ADAMTSL3: variants seen among roughly 807,000 people sequenced by gnomAD.
The protein encoded by ADAMTSL3 is ADAMTS-like protein 3.
ADAMTSL3 carries 128 observed loss-of-function variants against 201.7 expected under a neutral mutation model. The observed-to-expected ratio is 0.63, with a 90% CI of 0.55 to 0.73. The LOEUF (loss-of-function observed/expected upper bound fraction) is 0.73. Among genes scored for constraint, ADAMTSL3 ranks in the 30% least tolerant of loss-of-function variants. The pLI is 0.00. For synonymous variants in ADAMTSL3, 738 were observed against 748.4 expected, an observed-to-expected ratio of 0.99 and a Z score of 0.23; for missense variants, 1,990 against 2,119.6, an observed-to-expected ratio of 0.94 and a Z score of 1.20.
At chr15:83,686,968 A>T (rs1054251306) in intron 2 of ADAMTSL3, among the ~76,000 whole-genome samples, 4 of 152,070 alleles carry the variant, frequency 2.6e-5, no homozygotes, top group Non-Finnish European at 5.9e-5. Context: ...AGGTAGGAGG[A>T]CTACTTGAGT....
intron 4 of ADAMTSL3, among the ~76,000 whole-genome samples, chr15:83,783,437 A>G (rs1258596945): frequency 6.6e-6 from 1 of 152,164 alleles, no homozygotes; most frequent in Non-Finnish European, 1.5e-5. Context: ...TAAATGGACT[A>G]ATTACTTTGG....
chr15:83,926,097 G>A (rs1489743758), intron 17 of ADAMTSL3, among the ~76,000 whole-genome samples: 2 of 152,182 alleles, frequency 1.3e-5, no homozygotes, highest in African/African-American at 2.4e-5. Context: ...AAAATAAATT[G>A]GTGGGGCAGG....
chr15:83,764,314 A>G (rs1000237501), intron 3 of ADAMTSL3, among the ~76,000 whole-genome samples: 8 of 152,186 alleles, frequency 5.3e-5, no homozygotes, highest in African/African-American at 1.9e-4. Context: ...CTGCTTAAAA[A>G]TAGTCCAGTG....
At chr15:84,020,263 G>A (rs575914990) in intron 25 of ADAMTSL3, among the ~76,000 whole-genome samples, 6 of 49,568 alleles carry the variant, frequency 1.2e-4, no homozygotes, top group Admixed American at 1.1e-3. Flanking sequence ...ACACACTTGG[G>A]ATCCAGTCCG....
At chr15:83,867,058 GT>G (rs1291893928) in intron 8 of ADAMTSL3, among the ~76,000 whole-genome samples, 1 of 152,170 alleles carries the variant, frequency 6.6e-6, no homozygotes, top group Non-Finnish European at 1.5e-5. Flanking sequence ...AAATATAGAA[GT>G]GGTTTTATTT....
chr15:83,850,022 G>A (rs1395851464), intron 7 of ADAMTSL3, among the ~76,000 whole-genome samples: 3 of 151,932 alleles, frequency 2.0e-5, no homozygotes, highest in Non-Finnish European at 4.4e-5. Flanking sequence ...ATTGCATGGT[G>A]AGGAAATATA....
chr15:83,868,689 T>A (rs1225279192), intron 8 of ADAMTSL3, among the ~76,000 whole-genome samples: 1 of 152,160 alleles, frequency 6.6e-6, no homozygotes, highest in Non-Finnish European at 1.5e-5. Flanking sequence ...CCTTTTGAAA[T>A]ACTCAAATTA....
At position 83,982,265 on chromosome 15, in the gene ADAMTSL3, T is replaced by C. The variant is rs765833826; in HGVS notation, c.2645-8T>C. On this transcript the variant is annotated splice_polypyrimidine_tract_variant and splice_region_variant and intron_variant, in intron 20 of 29. Transcript: ENST00000286744. ...ATTTTCTTTTCTTTCTTTTTTTTTTTCTTGGAGAAATCAAATCAGAGATGA... is the reference window on the plus strand; with the variant it reads ...ATTTTCTTTTCTTTCTTTTTTTTTTCCTTGGAGAAATCAAATCAGAGATGA... 6.4e-6 allele frequency: 10 copies of C among 1,554,310 alleles called. No individual in the cohort carries two copies. Among genetic ancestry groups the C allele is most frequent in the African/African-American group, 1.4e-5 (1 of 72,116 alleles).
intron 25 of ADAMTSL3, among the ~76,000 whole-genome samples, chr15:84,020,574 A>C (rs1239906740): frequency 6.6e-6 from 1 of 152,258 alleles, no homozygotes; most frequent in Non-Finnish European, 1.5e-5. Flanking sequence ...AAAAAGTGGA[A>C]AACAAGTGAA....
In ADAMTSL3 at chr15:83,838,114, G is replaced by A. The variant is rs566096826; in HGVS notation, c.626G>A (p.Gly209Glu). The stretch of plus-strand genomic sequence containing the variant: ...GCAGTGGGCTGCGATCGGCAACTGG[G>A]AAGCAATGCCAAGGAGGACAACTGT... ...CQAVGCDRQLGSNAKEDNCGV... is the reference protein window; with the variant it reads ...CQAVGCDRQLESNAKEDNCGV... The change falls in exon 7 of 30, where the codon GGA becomes GAA. Residue 209 changes from glycine to glutamate, a missense_variant. Gly to Glu is a moderately conservative substitution (Grantham distance 98). Transcript: ENST00000286744. 1.3e-4 allele frequency: 209 copies of A among 1,611,002 alleles called. No homozygotes were observed. The South Asian group carries it at 2.2e-3, about 17-fold the overall frequency.
chr15:83,758,534 A>G (rs1267855807), intron 3 of ADAMTSL3, among the ~76,000 whole-genome samples: 1 of 152,190 alleles, frequency 6.6e-6, no homozygotes, highest in Non-Finnish European at 1.5e-5. Flanking sequence ...ACTCACTAAC[A>G]GTTAACTTTT....
chr15:83,751,685 G>A (rs2062639296), intron 3 of ADAMTSL3, among the ~76,000 whole-genome samples: 1 of 152,146 alleles, frequency 6.6e-6, no homozygotes, highest in Non-Finnish European at 1.5e-5. Flanking sequence ...ACCCTTTGAT[G>A]CAGCATCTTT....
At chr15:83,694,051 C>T (rs1287009973) in intron 2 of ADAMTSL3, among the ~76,000 whole-genome samples, 1 of 152,210 alleles carries the variant, frequency 6.6e-6, no homozygotes, top group African/African-American at 2.4e-5. Context: ...AAAATACATG[C>T]TTCACTGGAG....
At chr15:83,729,195 C>T (rs1239299407) in intron 3 of ADAMTSL3, among the ~76,000 whole-genome samples, 1 of 151,928 alleles carries the variant, frequency 6.6e-6, no homozygotes, top group Admixed American at 6.6e-5. Context: ...TATTCTTAAC[C>T]CTTGGGAGTT....
intron 2 of ADAMTSL3, among the ~76,000 whole-genome samples, chr15:83,683,395 A>T (rs1334102576): frequency 6.6e-6 from 1 of 152,018 alleles, no homozygotes; most frequent in Non-Finnish European, 1.5e-5. Context: ...GACATCCACA[A>T]AGTCTTTCCC....
chr15:83,896,301 C>T (rs1340275397), intron 13 of ADAMTSL3, among the ~76,000 whole-genome samples: 1 of 152,070 alleles, frequency 6.6e-6, no homozygotes, highest in Non-Finnish European at 1.5e-5. Context: ...TGGGGTGGAT[C>T]CAGAATTAGT....
chr15:83,912,540 T>C (rs2141958370), intron 15 of ADAMTSL3, among the ~76,000 whole-genome samples: 2 of 152,320 alleles, frequency 1.3e-5, no homozygotes, highest in African/African-American at 2.4e-5. Flanking sequence ...ATATTTCTTT[T>C]GTTTTGAAGA....
chr15:83,928,646 G>A (rs1448911976), intron 17 of ADAMTSL3, among the ~76,000 whole-genome samples: 2 of 152,160 alleles, frequency 1.3e-5, no homozygotes. Context: ...TAGCCATAAT[G>A]TGTCATCATA....
chr15:83,895,360 T>A (rs934611102), intron 13 of ADAMTSL3, among the ~76,000 whole-genome samples: 1 of 152,238 alleles, frequency 6.6e-6, no homozygotes, highest in African/African-American at 2.4e-5. Flanking sequence ...TCAGCTCTCA[T>A]AAGTCCTAGC....
Sources: allele counts gnomAD v4.1 joint callset (sites outside exome capture counted in the v4.1 genomes callset), GRCh38; gene constraint gnomAD v4.1.1; transcripts MANE v1.5; gene names NCBI Gene and HGNC (gene_info 2026-07-23, HGNC 2026-07-21).